The following RSU1 variants were observed in gnomAD, a reference collection of about 807,000 sequenced individuals.
RSU1 encodes rsu-1.
RSU1 carries 26 observed loss-of-function variants against 31.1 expected under a neutral mutation model. The observed-to-expected ratio is 0.84, with a 90% CI of 0.61 to 1.16. RSU1 has a LOEUF of 1.16. RSU1 is among the 50% of genes most tolerant of loss of function. RSU1 has a pLI of 0.00. For missense variants in RSU1, 320 were observed against 339.1 expected, an observed-to-expected ratio of 0.94 and a Z score of 0.44; for synonymous variants, 164 against 136.3, an observed-to-expected ratio of 1.20 and a Z score of -1.41.
chr10:16,593,074 T>C lies in RSU1; in HGVS notation c.*320A>G. On this transcript the variant is annotated 3_prime_UTR_variant, in exon 9 of 9. Coordinates refer to ENST00000345264, the MANE Select transcript of RSU1 (RefSeq NM_012425.4). ...TAAATGGTTACATGATTTTAATTATTCTTTTGATAATAAGCAACCTTGTGA... is the reference window on the plus strand; with the variant it reads ...TAAATGGTTACATGATTTTAATTATCCTTTTGATAATAAGCAACCTTGTGA... 1 of 211,922 alleles carries C rather than the reference T, an allele frequency of 4.7e-6. No homozygotes were observed. Among genetic ancestry groups the C allele is most frequent in the Non-Finnish European group, 9.4e-6 (1 of 106,374 alleles). 13.1% of individuals were successfully genotyped at this position (211,922 alleles called of 1,614,324 possible).
rs1833491467 is a variant in RSU1 at position 16,590,717 on chromosome 10, CTT to C, written c.*2675_*2676del. On this transcript the variant is annotated 3_prime_UTR_variant, in exon 9 of 9. Coordinates refer to ENST00000345264, the MANE Select transcript of RSU1 (RefSeq NM_012425.4). ...ATGAATAAGTAAAATTCTAGAAAGT[CTT>C]AGTTCACAATACAGAGATAATTTAA... 1 of 152,118 alleles carries C rather than the reference CTT, an allele frequency of 6.6e-6. No individual in the cohort carries two copies. Among genetic ancestry groups the C allele is most frequent in the Non-Finnish European group, 1.5e-5 (1 of 68,028 alleles). 9.4% of individuals were successfully genotyped at this position (152,118 alleles called of 1,614,324 possible).
chr10:16,600,751 TG>T (rs903663256), intron 8 of RSU1, among the ~76,000 whole-genome samples: 1 of 152,022 alleles, frequency 6.6e-6, no homozygotes, highest in Non-Finnish European at 1.5e-5. Context: ...ATTGTAGAGA[TG>T]GGGTCTCACT....
intron 8 of RSU1, among the ~76,000 whole-genome samples, chr10:16,611,984 C>T (rs951426134): frequency 1.3e-5 from 2 of 152,186 alleles, no homozygotes; most frequent in Non-Finnish European, 2.9e-5. Flanking sequence ...GATAAAAGTG[C>T]TTTATCCTCC....
At chr10:16,783,647 T>G (rs1486965418) in intron 2 of RSU1, among the ~76,000 whole-genome samples, 3 of 145,654 alleles carry the variant, frequency 2.1e-5, no homozygotes, top group African/African-American at 8.1e-5. Flanking sequence ...GGCCACCGAG[T>G]CCGGCCGCAT....
chr10:16,709,146 T>G (rs1257207816), intron 7 of RSU1, among the ~76,000 whole-genome samples: 1 of 143,262 alleles, frequency 7.0e-6, no homozygotes. Flanking sequence ...CCCTCCCCCC[T>G]TCCCCCACCC....
At chr10:16,737,702 C>A (rs1218068405) in intron 7 of RSU1, among the ~76,000 whole-genome samples, 1 of 150,872 alleles carries the variant, frequency 6.6e-6, no homozygotes, top group Non-Finnish European at 1.5e-5. Context: ...AAGCGGCAGT[C>A]AATGTGAAAA....
In RSU1 at chr10:16,695,161, G is replaced by GC. The variant is rs780470064; in HGVS notation, c.599-7_599-6insG. On this transcript the variant is annotated splice_polypyrimidine_tract_variant and splice_region_variant and intron_variant, in intron 7 of 8. Coordinates refer to ENST00000345264, the MANE Select transcript of RSU1 (RefSeq NM_012425.4). Reference sequence around the variant, plus strand: ...GCCAGTTAAATCCAAGTTTCCTGGGGGGGGGGAAAAAAAAAGTGAAGGTCA... The same window carrying GC: ...GCCAGTTAAATCCAAGTTTCCTGGGGCGGGGGGAAAAAAAAAGTGAAGGTCA... 162 of 1,483,178 alleles carry GC rather than the reference G, an allele frequency of 1.1e-4. 10 individuals carry two copies. Among genetic ancestry groups the GC allele is most frequent in the Admixed American group, 3.6e-4 (17 of 47,832 alleles). 91.9% of individuals were successfully genotyped at this position (1,483,178 alleles called of 1,614,324 possible).
At chr10:16,667,842 C>T (rs948100172) in intron 8 of RSU1, among the ~76,000 whole-genome samples, 13 of 152,046 alleles carry the variant, frequency 8.6e-5, no homozygotes, top group African/African-American at 2.9e-4. Flanking sequence ...AATGAGCCTG[C>T]CAGATATCAG....
At chr10:16,661,417 A>G (rs1834889080) in intron 8 of RSU1, among the ~76,000 whole-genome samples, 1 of 151,940 alleles carries the variant, frequency 6.6e-6, no homozygotes, top group Admixed American at 6.6e-5. Context: ...ATTTATGCTT[A>G]TCTCTACCAA....
chr10:16,652,310 A>G (rs779187692), intron 8 of RSU1, among the ~76,000 whole-genome samples: 3 of 149,640 alleles, frequency 2.0e-5, no homozygotes, highest in Admixed American at 6.8e-5. Context: ...TCATCAGTAA[A>G]AGGAGGCTGA....
At chr10:16,651,512 T>G (rs1304580517) in intron 8 of RSU1, among the ~76,000 whole-genome samples, 2 of 152,224 alleles carry the variant, frequency 1.3e-5, no homozygotes, top group African/African-American at 4.8e-5. Context: ...AGCTGACAAA[T>G]GTTGTAGAAA....
chr10:16,650,615 T>TCCCAGGCTGGAATATCCCAGAATATCCCA (rs1193502107), intron 8 of RSU1, among the ~76,000 whole-genome samples: 29 of 142,900 alleles, frequency 2.0e-4, no homozygotes, highest in South Asian at 6.8e-4. Flanking sequence ...AATCTCCCTC[T>TCCCAGGCTGGAATATCCCAGAATATCCCA]GTCTCCCAGG....
intron 2 of RSU1, among the ~76,000 whole-genome samples, chr10:16,806,983 A>G (rs796775558): frequency 3.9e-4 from 59 of 152,108 alleles, no homozygotes; most frequent in African/African-American, 1.3e-3. Flanking sequence ...CAAACTCCTG[A>G]CCTCACTCAG....
intron 7 of RSU1, among the ~76,000 whole-genome samples, chr10:16,748,986 T>A (rs1167847478): frequency 6.6e-6 from 1 of 152,120 alleles, no homozygotes; most frequent in African/African-American, 2.4e-5. Flanking sequence ...TTCTAATCCC[T>A]AGCAAATACC....
chr10:16,705,457 G>A (rs1164718985), intron 7 of RSU1, among the ~76,000 whole-genome samples: 2 of 151,858 alleles, frequency 1.3e-5, no homozygotes, highest in Non-Finnish European at 2.9e-5. Flanking sequence ...CTTTAAAATT[G>A]TTGTTCTGCT....
intron 8 of RSU1, among the ~76,000 whole-genome samples, chr10:16,594,838 G>A (rs2131450372): frequency 7.1e-6 from 1 of 140,310 alleles, no homozygotes; most frequent in East Asian, 2.1e-4. Flanking sequence ...AGGCTGGAGT[G>A]CAGTGGTGTG....
chr10:16,643,311 G>A (rs1200073018), intron 8 of RSU1, among the ~76,000 whole-genome samples: 1 of 152,126 alleles, frequency 6.6e-6, no homozygotes, highest in African/African-American at 2.4e-5. Context: ...TTGCTTCAAT[G>A]ATTCCTAGTA....
intron 2 of RSU1, among the ~76,000 whole-genome samples, chr10:16,786,804 A>G (rs1173098532): frequency 6.6e-6 from 1 of 152,130 alleles, no homozygotes; most frequent in Non-Finnish European, 1.5e-5. Context: ...AAATGCCCCT[A>G]TATAGAGCTA....
chr10:16,716,156 G>GA (rs907386911), intron 7 of RSU1, among the ~76,000 whole-genome samples: 21 of 152,152 alleles, frequency 1.4e-4, no homozygotes, highest in Non-Finnish European at 2.8e-4. Flanking sequence ...AACTATCTCA[G>GA]AAAAAGTTCA....
Sources: gnomAD v4.1 joint callset for allele counts (sites outside exome capture counted in the v4.1 genomes callset) on GRCh38, gnomAD v4.1.1 for gene constraint, MANE v1.5 for transcripts, NCBI Gene and HGNC (gene_info 2026-07-23, HGNC 2026-07-21) for gene names.